SNTG2: variants seen among roughly 807,000 people sequenced by gnomAD.
The protein encoded by SNTG2 is syntrophin gamma 2.
In SNTG2, 74 loss-of-function variants were observed where a neutral mutation model predicts 70.9. The observed-to-expected ratio is 1.04, with a 90% confidence interval of 0.86 to 1.27. SNTG2 has a LOEUF of 1.27. SNTG2 is among the 50% of genes most tolerant of loss of function. The pLI, the probability that SNTG2 is intolerant of heterozygous loss-of-function variation, is 0.00. For synonymous variants in SNTG2, 278 were observed against 273.8 expected (o/e 1.02, Z -0.15); for missense variants, 717 against 690.7 (o/e 1.04, Z -0.43).
intron 1 of SNTG2, among the ~76,000 whole-genome samples, chr2:1,071,440 G>A (rs1158546631): frequency 7.0e-6 from 1 of 143,626 alleles, no homozygotes; most frequent in Non-Finnish European, 1.5e-5. Flanking sequence ...TCATAGGTGG[G>A]AATTGAACAA....
chr2:1,303,354 C>T (rs1375990287), intron 14 of SNTG2, among the ~76,000 whole-genome samples: 1 of 151,940 alleles, frequency 6.6e-6, no homozygotes, highest in Non-Finnish European at 1.5e-5. Context: ...GGAAATTCTC[C>T]AAACACTTAG....
intron 13 of SNTG2, among the ~76,000 whole-genome samples, chr2:1,262,264 T>C (rs926976083): frequency 2.0e-5 from 3 of 152,144 alleles, no homozygotes; most frequent in African/African-American, 4.8e-5. Flanking sequence ...ATTGGCCTCC[T>C]GCAAAGAAAC....
intron 14 of SNTG2, among the ~76,000 whole-genome samples, chr2:1,302,509 C>G (rs1680497320): frequency 8.7e-6 from 1 of 114,960 alleles, no homozygotes; most frequent in Non-Finnish European, 1.8e-5. Flanking sequence ...TCCAAAGAGA[C>G]ACTCAAAAAA....
At chr2:1,117,290 T>C (rs1667078038) in intron 4 of SNTG2, among the ~76,000 whole-genome samples, 2 of 152,160 alleles carry the variant, frequency 1.3e-5, no homozygotes, top group Admixed American at 6.5e-5. Context: ...AGAGAAGACA[T>C]GGCAGAACAT....
intron 1 of SNTG2, among the ~76,000 whole-genome samples, chr2:986,233 T>C (rs879306476): frequency 6.6e-6 from 1 of 152,150 alleles, no homozygotes; most frequent in Admixed American, 6.5e-5. Context: ...CCCTGTACTC[T>C]CATGGCCTGA....
intron 6 of SNTG2, among the ~76,000 whole-genome samples, chr2:1,147,857 C>G (rs1223552015): frequency 1.3e-5 from 2 of 152,308 alleles, no homozygotes; most frequent in East Asian, 1.9e-4. Flanking sequence ...AAATATTATT[C>G]CGAAAACATT....
intron 8 of SNTG2, among the ~76,000 whole-genome samples, chr2:1,206,338 C>T (rs1272243928): frequency 6.6e-6 from 1 of 152,156 alleles, no homozygotes; most frequent in Non-Finnish European, 1.5e-5. Flanking sequence ...ATACTCTTCT[C>T]CTAAGGAGAG....
At chr2:959,758 A>G (rs1391151701) in intron 1 of SNTG2, among the ~76,000 whole-genome samples, 3 of 150,650 alleles carry the variant, frequency 2.0e-5, no homozygotes, top group Admixed American at 6.7e-5. Flanking sequence ...ACCTTTGGGG[A>G]TGTGATTTGA....
chr2:981,874 CAG>C (rs1661111865), intron 1 of SNTG2, among the ~76,000 whole-genome samples: 1 of 152,092 alleles, frequency 6.6e-6, no homozygotes. Context: ...CAGATGCACA[CAG>C]ATATACATTC....
intron 4 of SNTG2, among the ~76,000 whole-genome samples, chr2:1,109,304 G>C (rs1666286275): frequency 6.6e-6 from 1 of 151,984 alleles, no homozygotes; most frequent in Non-Finnish European, 1.5e-5. Flanking sequence ...TTTACATGTG[G>C]TGTTTCCAAC....
chr2:991,437 C>T (rs1257061638), intron 1 of SNTG2, among the ~76,000 whole-genome samples: 1 of 150,040 alleles, frequency 6.7e-6, no homozygotes, highest in Non-Finnish European at 1.5e-5. Context: ...AATGACAAGG[C>T]AGGCTATAAT....
At chr2:1,209,590 G>A (rs1482644786) in intron 9 of SNTG2, among the ~76,000 whole-genome samples, 2 of 152,174 alleles carry the variant, frequency 1.3e-5, no homozygotes, top group African/African-American at 4.8e-5. Context: ...TTTTAGAAAT[G>A]CCACTTAAAC....
At chr2:1,218,556 T>G (rs899534327) in intron 9 of SNTG2, among the ~76,000 whole-genome samples, 1 of 152,330 alleles carries the variant, frequency 6.6e-6, no homozygotes, top group South Asian at 2.1e-4. Context: ...CTCCTGCCCA[T>G]AGCATGTGTG....
intron 6 of SNTG2, among the ~76,000 whole-genome samples, chr2:1,162,906 T>C (rs1356058262): frequency 2.6e-5 from 4 of 152,126 alleles, no homozygotes; most frequent in Non-Finnish European, 5.9e-5. Flanking sequence ...AGACAGGATG[T>C]GGATGTCAGA....
At chr2:1,017,696 A>AG (rs1659948866) in intron 1 of SNTG2, among the ~76,000 whole-genome samples, 1 of 152,238 alleles carries the variant, frequency 6.6e-6, no homozygotes, top group African/African-American at 2.4e-5. Context: ...CATAAATTTT[A>AG]AAAAGAAGAG....
At chr2:1,221,411 C>G (rs373162410) in intron 9 of SNTG2, among the ~76,000 whole-genome samples, 1 of 151,282 alleles carries the variant, frequency 6.6e-6, no homozygotes, top group East Asian at 1.9e-4. Context: ...CCCTCTCAGT[C>G]TCTGGTTTTG....
chr2:1,123,808 T>C (rs1667528090), intron 4 of SNTG2, among the ~76,000 whole-genome samples: 1 of 141,826 alleles, frequency 7.1e-6, no homozygotes, highest in African/African-American at 2.7e-5. Flanking sequence ...GAGGTTAATA[T>C]TCAAAATTTA....
intron 16 of SNTG2, among the ~76,000 whole-genome samples, chr2:1,318,223 A>T (rs1681375981): frequency 6.6e-6 from 1 of 152,224 alleles, no homozygotes. Flanking sequence ...CTGAAAAATA[A>T]ATTTTAAAAA....
intron 16 of SNTG2, among the ~76,000 whole-genome samples, chr2:1,322,721 G>A (rs1157422666): frequency 1.3e-5 from 2 of 151,858 alleles, no homozygotes; most frequent in Non-Finnish European, 2.9e-5. Context: ...TGAGTAATCT[G>A]TGGTCTTGGA....
Sources: allele counts gnomAD v4.1 joint callset (sites outside exome capture counted in the v4.1 genomes callset), GRCh38; gene constraint gnomAD v4.1.1; transcripts MANE v1.5; gene names NCBI Gene and HGNC (gene_info 2026-07-23, HGNC 2026-07-21).